TRPM3: variants seen among roughly 807,000 people sequenced by gnomAD.
TRPM3 encodes the protein transient receptor potential cation channel subfamily M member 3, also known as long transient receptor potential channel 3.
TRPM3 carries 77 observed loss-of-function variants against 181.2 expected under a neutral mutation model. That is an observed-to-expected ratio of 0.42 (90% CI 0.35 to 0.51). The LOEUF (loss-of-function observed/expected upper bound fraction) is 0.51, where lower values mean the gene tolerates loss of function less well. Among genes scored for constraint, TRPM3 ranks in the 20% least tolerant of loss-of-function variants. TRPM3 has a pLI of 0.01. For synonymous variants in TRPM3, 745 were observed against 796.4 expected (o/e 0.94, Z 1.09); for missense variants, 1,759 against 2,196.7 (o/e 0.80, Z 3.98).
chr9:70,567,004 G>C (rs1199165764), intron 22 of TRPM3, among the ~76,000 whole-genome samples: 15 of 152,150 alleles, frequency 9.9e-5, no homozygotes, highest in Non-Finnish European at 2.1e-4. Context: ...GAGGGAACAA[G>C]GTTCTTACTG....
intron 1 of TRPM3, among the ~76,000 whole-genome samples, chr9:70,971,373 T>C (rs1235508400): frequency 6.6e-6 from 1 of 152,166 alleles, no homozygotes; most frequent in East Asian, 1.9e-4. Flanking sequence ...CCCTTTTTAA[T>C]GCCTTTCATT....
rs548588673 is a variant in TRPM3 at position 70,810,067 on chromosome 9, T to C, written c.973+17780A>G. 2.2e-5 allele frequency: 12 copies of C among 534,642 alleles called. No homozygotes were observed. The highest frequency in any genetic ancestry group is 5.8e-5 in the Admixed American group (3 of 51,588). The allele number at this position is 534,642 out of a possible 1,614,324, so 33.1% of individuals were successfully genotyped here. A position where few individuals can be genotyped will look rare whatever the true frequency, so the allele number is the denominator to read the frequency against. On this transcript the variant is annotated intron_variant, in intron 6 of 25. Transcript: ENST00000677713. ...GACAAAGGGAAGTCCACGAGTCACATGAAGAAAGACTGTAGCCATGGGTAC... is the reference window on the plus strand; with the variant it reads ...GACAAAGGGAAGTCCACGAGTCACACGAAGAAAGACTGTAGCCATGGGTAC...
intron 1 of TRPM3, among the ~76,000 whole-genome samples, chr9:70,883,174 C>G (rs1024538651): frequency 2.6e-5 from 4 of 152,188 alleles, no homozygotes; most frequent in African/African-American, 9.6e-5. Context: ...GATATCACCT[C>G]CACACCCATC....
chr9:71,333,497 A>G (rs1248213761), intron 1 of TRPM3, among the ~76,000 whole-genome samples: 1 of 151,986 alleles, frequency 6.6e-6, no homozygotes, highest in Admixed American at 6.6e-5. Flanking sequence ...GCTCTTCTCA[A>G]TTTTGCTTTG....
chr9:71,395,984 A>G lies in TRPM3; in HGVS notation c.183+50669T>C, dbSNP rs561675916. 5.3e-5 allele frequency among the ~76,000 whole-genome samples: 8 copies of G among 152,342 alleles called. No individual in the cohort carries two copies. In the South Asian group the frequency reaches 1.7e-3, roughly 32 times the overall value. ...GAAATGTTCAGGAAAACCATTTAGA[A>G]AAGCTAAAAAAGCAAAAATGAGAAT... On this transcript the variant is annotated intron_variant, in intron 1 of 24. Transcript: ENST00000357533.
chr9:70,914,344 C>G, intron 1 of TRPM3, among the ~76,000 whole-genome samples: 1 of 152,188 alleles, frequency 6.6e-6, no homozygotes. Context: ...ACTTCCCAGC[C>G]TCCAGAACTG....
At chr9:70,617,037 G>T (rs1330396536) in intron 17 of TRPM3, among the ~76,000 whole-genome samples, 1 of 152,198 alleles carries the variant, frequency 6.6e-6, no homozygotes, top group East Asian at 1.9e-4. Flanking sequence ...CTCCTCTGAA[G>T]GGTCAGGAAA....
intron 22 of TRPM3, among the ~76,000 whole-genome samples, chr9:70,574,927 TTTTC>T (rs1242548640): frequency 2.0e-5 from 3 of 151,808 alleles, no homozygotes; most frequent in African/African-American, 4.8e-5. Flanking sequence ...TGTTTTTTTC[TTTTC>T]TTTCTTTTTT....
At chr9:71,387,654 T>C (rs563490109) in intron 1 of TRPM3, among the ~76,000 whole-genome samples, 1 of 152,296 alleles carries the variant, frequency 6.6e-6, no homozygotes, top group South Asian at 2.1e-4. Flanking sequence ...TTAAAATATG[T>C]ATAATATTAA....
chr9:70,904,705 A>G (rs2096437585), intron 1 of TRPM3, among the ~76,000 whole-genome samples: 1 of 152,196 alleles, frequency 6.6e-6, no homozygotes, highest in Non-Finnish European at 1.5e-5. Context: ...GACAGTAATC[A>G]CTGAGAATAT....
intron 1 of TRPM3, among the ~76,000 whole-genome samples, chr9:70,913,525 C>T (rs923507338): frequency 3.9e-5 from 6 of 152,080 alleles, no homozygotes; most frequent in East Asian, 3.9e-4. Flanking sequence ...TTCAAAACTA[C>T]CAGAGGGAAA....
At chr9:71,212,620 C>T (rs2079576073) in intron 1 of TRPM3, among the ~76,000 whole-genome samples, 1 of 152,172 alleles carries the variant, frequency 6.6e-6, no homozygotes, top group Non-Finnish European at 1.5e-5. Context: ...GCATGGCTGA[C>T]ACTAGCATTC....
At chr9:71,257,516 G>C (rs771161187) in intron 1 of TRPM3, among the ~76,000 whole-genome samples, 5 of 152,144 alleles carry the variant, frequency 3.3e-5, no homozygotes, top group Non-Finnish European at 7.3e-5. Context: ...CTGTGTGATA[G>C]TAATGGCAAA....
intron 1 of TRPM3, among the ~76,000 whole-genome samples, chr9:70,883,104 A>G (rs2096023094): frequency 6.6e-6 from 1 of 152,154 alleles, no homozygotes; most frequent in African/African-American, 2.4e-5. Flanking sequence ...TCTCAAACCA[A>G]TGTACTTCCT....
At chr9:70,638,943 G>T (rs2057639775) in intron 11 of TRPM3, 117 bp downstream of exon 11, 1 of 1,183,776 alleles carries the variant, frequency 8.4e-7, no homozygotes, top group Non-Finnish European at 1.2e-6. Context: ...TATTTGTGAT[G>T]AATGAACCAT....
intron 1 of TRPM3, among the ~76,000 whole-genome samples, chr9:71,087,951 A>G (rs1472181586): frequency 6.6e-6 from 1 of 152,102 alleles, no homozygotes; most frequent in Non-Finnish European, 1.5e-5. Flanking sequence ...AAATGTTGAT[A>G]GGAAGAAATT....
chr9:70,694,200 T>G (rs556396487), intron 8 of TRPM3, among the ~76,000 whole-genome samples: 214 of 152,348 alleles, frequency 1.4e-3, no homozygotes, highest in African/African-American at 5.0e-3. Flanking sequence ...ACTGACCGTA[T>G]GAGGTCCTTT....
In TRPM3 at chr9:70,611,661, G is replaced by A. The variant is rs554583723; in HGVS notation, c.2527-912C>T. Reference sequence around the variant, plus strand: ...GTTAGCGACTTCTCCCTGACCCTTAGGCATGTGCCTTGGTTCCCTAATTTT... The same window carrying A: ...GTTAGCGACTTCTCCCTGACCCTTAAGCATGTGCCTTGGTTCCCTAATTTT... On this transcript the variant is annotated intron_variant, in intron 18 of 25. Coordinates refer to ENST00000677713, the MANE Select transcript of TRPM3 (RefSeq NM_001366145.2). Among the ~76,000 whole-genome samples the A allele has an allele frequency of 3.3e-5, 5 of 152,306 alleles. No individual in the cohort carries two copies. The East Asian group carries it at 9.6e-4, about 29-fold the overall frequency.
chr9:70,747,715 G>T (rs76929424), intron 8 of TRPM3, among the ~76,000 whole-genome samples: 2 of 151,452 alleles, frequency 1.3e-5, no homozygotes, highest in African/African-American at 2.4e-5. Flanking sequence ...GACTGTATCT[G>T]GTATGCAAAA....
Sources: allele counts gnomAD v4.1 joint callset (sites outside exome capture counted in the v4.1 genomes callset), GRCh38; gene constraint gnomAD v4.1.1; transcripts MANE v1.5; gene names NCBI Gene and HGNC (gene_info 2026-07-23, HGNC 2026-07-21).